The following CNTN5 variants were observed in gnomAD, a reference collection of about 807,000 sequenced individuals.
CNTN5 encodes contactin 5.
In CNTN5, 77 loss-of-function variants were observed where a neutral mutation model predicts 129.1. The observed-to-expected ratio is 0.60, with a 90% CI of 0.50 to 0.72. The LOEUF is 0.72. Among genes scored for constraint, CNTN5 ranks in the 30% least tolerant of loss-of-function variants. The pLI is 0.00. For missense variants in CNTN5, 1,478 were observed against 1,328.8 expected (o/e 1.11, Z -1.75); for synonymous variants, 509 against 465.6 (o/e 1.09, Z -1.20).
At chr11:99,058,357 T>C (rs949590733) in intron 1 of CNTN5, among the ~76,000 whole-genome samples, 2 of 151,954 alleles carry the variant, frequency 1.3e-5, no homozygotes, top group Non-Finnish European at 2.9e-5. Context: ...GCTGGAGATA[T>C]ATAAATATGA....
Position 99,269,432 on chromosome 11 carries a change from C to T in CNTN5, c.-209-55914C>T, listed in dbSNP as rs1324884956. On this transcript the variant is annotated intron_variant, in intron 1 of 24. Transcript: ENST00000524871. The stretch of plus-strand genomic sequence containing the variant: ...AAAATAATGTACTCAAAAGAGCTGA[C>T]CTGTTTGTTTGTTGCTTGGCATTTA... Among the ~76,000 whole-genome samples the T allele has an allele frequency of 2.0e-5, 3 of 151,350 alleles. No individual in the cohort carries two copies. In the East Asian group the frequency reaches 5.9e-4, roughly 30 times the overall value.
In CNTN5 at chr11:99,552,215, GT is replaced by G. The variant is rs549887501; in HGVS notation, c.-70-3919del. On this transcript the variant is annotated intron_variant, in intron 2 of 24. Transcript: ENST00000524871. ...AGCTACGCACCTGGTCAGTTTTTGT[GT>G]TTTTTTTTTTGTATTATATTTTGCC... Among the ~76,000 whole-genome samples, 1,084 of 138,900 alleles carry G rather than the reference GT, an allele frequency of 7.8e-3. 15 individuals are homozygous for G. Among genetic ancestry groups the G allele is most frequent in the African/African-American group, 0.025 (936 of 37,756 alleles). The allele number at this position is 138,900 out of a possible 152,430, so 91.1% of individuals were successfully genotyped here.
chr11:99,904,007 A>G (rs1479627119), intron 6 of CNTN5, among the ~76,000 whole-genome samples: 1 of 152,186 alleles, frequency 6.6e-6, no homozygotes, highest in Admixed American at 6.6e-5. Flanking sequence ...AAAGGCAAAT[A>G]TAACAGATGC....
chr11:99,711,637 C>G (rs1378737301), intron 3 of CNTN5, among the ~76,000 whole-genome samples: 2 of 151,936 alleles, frequency 1.3e-5, no homozygotes, highest in African/African-American at 4.8e-5. Context: ...CCCTAGCCCC[C>G]CACCCCTTGA....
At chr11:99,518,277 G>A (rs1052811656) in intron 2 of CNTN5, among the ~76,000 whole-genome samples, 2 of 152,094 alleles carry the variant, frequency 1.3e-5, no homozygotes, top group Admixed American at 6.6e-5. Flanking sequence ...GCATTGTTAA[G>A]ACTCAGGTCG....
chr11:99,191,490 C>T (rs1858640829), intron 1 of CNTN5, among the ~76,000 whole-genome samples: 2 of 151,748 alleles, frequency 1.3e-5, no homozygotes, highest in Non-Finnish European at 1.5e-5. Flanking sequence ...CAGACATACA[C>T]AGGGCATACC....
chr11:99,901,145 T>C (rs1375815322), intron 6 of CNTN5, among the ~76,000 whole-genome samples: 2 of 152,224 alleles, frequency 1.3e-5, no homozygotes, highest in Admixed American at 6.5e-5. Context: ...GTATAGTGTG[T>C]GGCAGGTAGT....
At chr11:99,210,277 C>A (rs968613064) in intron 1 of CNTN5, among the ~76,000 whole-genome samples, 7 of 152,174 alleles carry the variant, frequency 4.6e-5, no homozygotes, top group Non-Finnish European at 8.8e-5. Context: ...ACTACCCTAA[C>A]CTTCCTTCTC....
chr11:99,303,405 ATTAG>A (rs1864730309), intron 1 of CNTN5, among the ~76,000 whole-genome samples: 1 of 151,706 alleles, frequency 6.6e-6, no homozygotes, highest in Admixed American at 6.6e-5. Context: ...ACAATTATTA[ATTAG>A]TATTACAGAT....
At chr11:99,634,336 A>G (rs918416079) in intron 3 of CNTN5, among the ~76,000 whole-genome samples, 1 of 152,162 alleles carries the variant, frequency 6.6e-6, no homozygotes, top group Non-Finnish European at 1.5e-5. Flanking sequence ...AGTGTTCACC[A>G]GTGCACATAT....
intron 8 of CNTN5, among the ~76,000 whole-genome samples, chr11:99,963,750 A>G (rs974155216): frequency 2.0e-5 from 3 of 152,270 alleles, no homozygotes; most frequent in East Asian, 3.9e-4. Context: ...ACCTTGGGCA[A>G]TATGGCCATT....
At chr11:100,041,268 T>G (rs928202590) in intron 9 of CNTN5, among the ~76,000 whole-genome samples, 2 of 152,216 alleles carry the variant, frequency 1.3e-5, no homozygotes, top group African/African-American at 4.8e-5. Context: ...AAACATTTCC[T>G]GACTCTTGCC....
At chr11:99,854,491 A>C (rs1269777982) in intron 6 of CNTN5, among the ~76,000 whole-genome samples, 1 of 152,208 alleles carries the variant, frequency 6.6e-6, no homozygotes, top group Admixed American at 6.5e-5. Context: ...GGGAGGCTTG[A>C]AAATAAACGA....
At chr11:99,752,175 A>T (rs1478698143) in intron 3 of CNTN5, among the ~76,000 whole-genome samples, 1 of 152,234 alleles carries the variant, frequency 6.6e-6, no homozygotes, top group African/African-American at 2.4e-5. Context: ...GAATACATTA[A>T]AATTTTCTGT....
intron 13 of CNTN5, among the ~76,000 whole-genome samples, chr11:100,135,063 TA>T (rs1461869099): frequency 6.6e-6 from 1 of 152,140 alleles, no homozygotes; most frequent in East Asian, 1.9e-4. Flanking sequence ...TTAATTATTA[TA>T]TTTTCTCTTG....
chr11:99,240,799 G>T (rs1360119700), intron 1 of CNTN5, among the ~76,000 whole-genome samples: 1 of 152,174 alleles, frequency 6.6e-6, no homozygotes, highest in Non-Finnish European at 1.5e-5. Flanking sequence ...TCCTTGATCA[G>T]TGTGACAAAG....
At chr11:99,293,582 T>C (rs1404965711) in intron 1 of CNTN5, among the ~76,000 whole-genome samples, 1 of 152,160 alleles carries the variant, frequency 6.6e-6, no homozygotes, top group Non-Finnish European at 1.5e-5. Flanking sequence ...CTTTTATTAC[T>C]ACTTGTATCT....
intron 16 of CNTN5, among the ~76,000 whole-genome samples, chr11:100,241,480 C>G (rs1267066147): frequency 6.6e-6 from 1 of 152,128 alleles, no homozygotes; most frequent in Non-Finnish European, 1.5e-5. Context: ...ATTAAATAAA[C>G]TTTTAAACAT....
intron 6 of CNTN5, among the ~76,000 whole-genome samples, chr11:99,889,291 GGTGTGTGTGT>G (rs71050029): frequency 9.0e-5 from 3 of 33,224 alleles, no homozygotes; most frequent in African/African-American, 8.7e-4. Flanking sequence ...CTCCAGAGCA[GGTGTGTGTGT>G]GTGTGTGTGT....
Sources: gnomAD v4.1 joint callset for allele counts (sites outside exome capture counted in the v4.1 genomes callset) on GRCh38, gnomAD v4.1.1 for gene constraint, MANE v1.5 for transcripts, NCBI Gene and HGNC (gene_info 2026-07-23, HGNC 2026-07-21) for gene names.